KLF12: variants seen among roughly 807,000 people sequenced by gnomAD.
KLF12 encodes Krueppel-like factor 12.
KLF12 carries 9 observed loss-of-function variants against 37.8 expected under a neutral mutation model. The observed-to-expected ratio is 0.24, with a 90% CI of 0.14 to 0.42. KLF12 has a LOEUF of 0.42. Ranked by LOEUF, KLF12 falls within the 10% of genes least tolerant of loss-of-function variation. KLF12 has a pLI of 1.00. For synonymous variants in KLF12, 208 were observed against 202.1 expected, an observed-to-expected ratio of 1.03 and a Z score of -0.25; for missense variants, 411 against 516.0, an observed-to-expected ratio of 0.80 and a Z score of 1.97.
intron 4 of KLF12, among the ~76,000 whole-genome samples, chr13:73,832,425 CTG>C (rs1464867206): frequency 6.6e-6 from 1 of 152,174 alleles, no homozygotes; most frequent in African/African-American, 2.4e-5. Context: ...TAAAAGGTCT[CTG>C]TGTTTACAGA....
intron 2 of KLF12, among the ~76,000 whole-genome samples, chr13:73,976,528 C>T (rs1038849477): frequency 2.6e-5 from 4 of 152,128 alleles, no homozygotes; most frequent in Admixed American, 2.6e-4. Flanking sequence ...TCTCATGCTG[C>T]CCCACAACAG....
chr13:74,101,972 C>T (rs1876373776), intron 1 of KLF12, among the ~76,000 whole-genome samples: 1 of 151,860 alleles, frequency 6.6e-6, no homozygotes, highest in Non-Finnish European at 1.5e-5. Flanking sequence ...GTAATCCCAG[C>T]ACTTTGGGAG....
chr13:74,292,635 C>G, the KLF12 span, among the ~76,000 whole-genome samples: 1 of 152,052 alleles, frequency 6.6e-6, no homozygotes, highest in African/African-American at 2.4e-5. Context: ...GGCTGGAGGA[C>G]TTTACTTTGC....
chr13:73,876,660 G>A (rs749928335), intron 3 of KLF12, among the ~76,000 whole-genome samples: 4 of 149,266 alleles, frequency 2.7e-5, no homozygotes, highest in Non-Finnish European at 6.0e-5. Flanking sequence ...TATTTTTTAT[G>A]TTTCTATTTG....
chr13:73,824,314 T>C (rs773401356), intron 4 of KLF12, among the ~76,000 whole-genome samples: 1 of 152,128 alleles, frequency 6.6e-6, no homozygotes, highest in African/African-American at 2.4e-5. Flanking sequence ...CCCCGGTGCA[T>C]AGGATTCTAA....
chr13:74,299,402 T>G, the KLF12 span, among the ~76,000 whole-genome samples: 3 of 152,230 alleles, frequency 2.0e-5, no homozygotes, highest in Admixed American at 6.5e-5. Flanking sequence ...ACAATATTTT[T>G]TATTTGCTTA....
intron 1 of KLF12, among the ~76,000 whole-genome samples, chr13:74,065,727 T>C (rs906293054): frequency 7.2e-5 from 11 of 151,990 alleles, no homozygotes; most frequent in African/African-American, 2.2e-4. Context: ...GGGAAGTGCA[T>C]GAGCAACGTG....
chr13:73,957,542 T>C (rs1231388841), intron 2 of KLF12, among the ~76,000 whole-genome samples: 1 of 152,210 alleles, frequency 6.6e-6, no homozygotes, highest in Admixed American at 6.5e-5. Context: ...CAAATTAATA[T>C]GGTGACTTAA....
chr13:74,008,495 T>C (rs1276172646), intron 1 of KLF12, among the ~76,000 whole-genome samples: 2 of 152,250 alleles, frequency 1.3e-5, no homozygotes, highest in African/African-American at 4.8e-5. Context: ...TGAATTCTTA[T>C]GGCTGACGAC....
chr13:73,779,307 C>G (rs1476422558), intron 5 of KLF12, among the ~76,000 whole-genome samples: 2 of 152,160 alleles, frequency 1.3e-5, no homozygotes, highest in African/African-American at 4.8e-5. Flanking sequence ...CAGCCCCAAC[C>G]TCCAACTTCT....
intron 2 of KLF12, among the ~76,000 whole-genome samples, chr13:73,973,418 G>A (rs1050435238): frequency 1.2e-4 from 19 of 152,120 alleles, no homozygotes; most frequent in Non-Finnish European, 1.8e-4. Flanking sequence ...AGGCATCATT[G>A]TCCATACATC....
intron 1 of KLF12, among the ~76,000 whole-genome samples, chr13:74,114,986 T>A: frequency 6.6e-6 from 1 of 151,984 alleles, no homozygotes; most frequent in East Asian, 1.9e-4. Context: ...CTTATGAGAA[T>A]CTAATGCCTG....
At chr13:73,759,761 C>T (rs2138039238) in intron 6 of KLF12, among the ~76,000 whole-genome samples, 1 of 152,208 alleles carries the variant, frequency 6.6e-6, no homozygotes, top group East Asian at 1.9e-4. Context: ...TTGAACTGCG[C>T]TTGATGATGC....
chr13:74,292,431 TA>T, the KLF12 span, among the ~76,000 whole-genome samples: 13 of 149,756 alleles, frequency 8.7e-5, no homozygotes, highest in African/African-American at 3.3e-4. Context: ...CCTATCTCAG[TA>T]AATGAAAGGG....
intron 4 of KLF12, among the ~76,000 whole-genome samples, chr13:73,824,985 C>T (rs1883755219): frequency 6.6e-6 from 1 of 151,988 alleles, no homozygotes; most frequent in Non-Finnish European, 1.5e-5. Context: ...AGGAGAATCG[C>T]TTGAACCCAG....
chr13:74,197,915 G>A, the KLF12 span, among the ~76,000 whole-genome samples: 1 of 152,120 alleles, frequency 6.6e-6, no homozygotes, highest in South Asian at 2.1e-4. Flanking sequence ...TCAGGCTTGC[G>A]TTTCAAAGCC....
chr13:74,201,193 T>C, the KLF12 span, among the ~76,000 whole-genome samples: 2 of 152,186 alleles, frequency 1.3e-5, no homozygotes, highest in South Asian at 2.1e-4. Context: ...AGGAGAGATG[T>C]ATGTTCTAAC....
chr13:73,839,385 G>A (rs1884624669), intron 4 of KLF12, among the ~76,000 whole-genome samples: 1 of 151,666 alleles, frequency 6.6e-6, no homozygotes, highest in African/African-American at 2.4e-5. Context: ...ATACGGGCAT[G>A]AGCCACCACA....
intron 1 of KLF12, among the ~76,000 whole-genome samples, chr13:74,070,619 G>A (rs900249700): frequency 2.0e-5 from 3 of 152,158 alleles, no homozygotes. Flanking sequence ...GCAGGGATAG[G>A]CCCACTAATT....
Sources: gnomAD v4.1 joint callset for allele counts (sites outside exome capture counted in the v4.1 genomes callset) on GRCh38, gnomAD v4.1.1 for gene constraint, MANE v1.5 for transcripts, NCBI Gene and HGNC (gene_info 2026-07-23, HGNC 2026-07-21) for gene names.